Variants in CD84 observed in about 807,000 individuals in gnomAD.
The protein encoded by CD84 is SLAM family member 5.
In CD84, 22 loss-of-function variants were observed where a neutral mutation model predicts 33.8. The ratio of observed to expected loss-of-function variants is 0.65; its 90% confidence interval spans 0.46 to 0.93. The LOEUF (loss-of-function observed/expected upper bound fraction) is 0.93, where lower values mean the gene tolerates loss of function less well. CD84 is among the 40% of genes least tolerant of loss of function. The pLI, the probability that CD84 is intolerant of heterozygous loss-of-function variation, is 0.00. For missense variants in CD84, 400 were observed against 397.6 expected, an observed-to-expected ratio of 1.01 and a Z score of -0.05; for synonymous variants, 154 against 145.2, an observed-to-expected ratio of 1.06 and a Z score of -0.44.
chr1:160,548,017 C>T lies in CD84; in HGVS notation c.*239G>A, dbSNP rs1271155599. 5.5e-6 allele frequency: 3 copies of T among 547,120 alleles called. No homozygotes were observed. The highest frequency in any genetic ancestry group is 9.9e-6 in the Non-Finnish European group (3 of 303,498). The allele number at this position is 547,120 out of a possible 1,614,324, so 33.9% of individuals were successfully genotyped here. The stretch of plus-strand genomic sequence containing the variant: ...TGGGAAGAAGTTTGGGAAAACTATA[C>T]TAGGTAACCTGCTTTGTCATTCATT... On this transcript the variant is annotated 3_prime_UTR_variant, in exon 7 of 7. Coordinates refer to ENST00000368054, the MANE Select transcript of CD84 (RefSeq NM_003874.4).
In CD84 at chr1:160,549,942, T is replaced by A. The variant is rs2102125391; in HGVS notation, c.896A>T (p.Tyr299Phe). The A allele has an allele frequency of 6.2e-7, 1 of 1,613,192 alleles. No homozygotes were observed. The highest frequency in any genetic ancestry group is 8.5e-7 in the Non-Finnish European group (1 of 1,179,220). Residue 299 changes from tyrosine to phenylalanine, a missense_variant, in exon 6 of 7, where the codon TAT (tyrosine) becomes TTT (phenylalanine). Tyr to Phe is a conservative substitution (Grantham distance 22, BLOSUM62 3). Transcript: ENST00000368054. ...PSKEEPVNTV[Y>F]SEVQFADKMG... ...CTTATCAGCAAACTGCACTTCGGAATAAACTGTGTTCACTGGCTCTTCCTT... is the reference window on the plus strand; with the variant it reads ...CTTATCAGCAAACTGCACTTCGGAAAAAACTGTGTTCACTGGCTCTTCCTT...
intron 1 of CD84, among the ~76,000 whole-genome samples, chr1:160,577,964 G>T (rs1210392318): frequency 6.6e-6 from 1 of 152,090 alleles, no homozygotes; most frequent in Admixed American, 6.6e-5. Flanking sequence ...ATCTTAGCAG[G>T]TATTAACCTT....
chr1:160,568,307 T>C (rs547276842), intron 1 of CD84, among the ~76,000 whole-genome samples: 66 of 152,210 alleles, frequency 4.3e-4, no homozygotes, highest in South Asian at 1.7e-3. Context: ...TAGCAAGTCA[T>C]TCAGGAAGTG....
chr1:160,548,283 C>T lies in CD84; in HGVS notation c.960G>A (p.Gly320=). 6.2e-7 allele frequency: 1 copy of T among 1,614,168 alleles called. No individual in the cohort carries two copies. The highest frequency in any genetic ancestry group is 8.5e-7 in the Non-Finnish European group (1 of 1,180,024). The change falls in exon 7 of 7, where the codon GGG becomes GGA. Residue 320 remains glycine, a synonymous_variant. Coordinates refer to ENST00000368054, the MANE Select transcript of CD84 (RefSeq NM_003874.4). The part of the protein sequence containing the change: ...KASTQDSKPP[G]TSSYEIVI ...AGATCACAATTTCATAGCTTGAAGT[C>T]CCAGGAGGTTTACTGTCCTGTGTGC...
chr1:160,570,599 A>T (rs1045449107), intron 1 of CD84, among the ~76,000 whole-genome samples: 1 of 152,198 alleles, frequency 6.6e-6, no homozygotes, highest in African/African-American at 2.4e-5. Context: ...GGTGGCTCAC[A>T]TCTGTAATCC....
At chr1:160,567,345 C>T (rs1242068570) in intron 1 of CD84, among the ~76,000 whole-genome samples, 1 of 152,140 alleles carries the variant, frequency 6.6e-6, no homozygotes, top group Non-Finnish European at 1.5e-5. Context: ...TGAAAGAGCC[C>T]CAGGAACAGC....
intron 4 of CD84, among the ~76,000 whole-genome samples, chr1:160,552,508 C>T (rs1280598580): frequency 1.3e-5 from 2 of 152,118 alleles, no homozygotes; most frequent in Non-Finnish European, 2.9e-5. Flanking sequence ...ATACAGCACA[C>T]CTTATTACTG....
chr1:160,559,961 T>C (rs532541962), intron 2 of CD84, among the ~76,000 whole-genome samples: 1 of 152,266 alleles, frequency 6.6e-6, no homozygotes, highest in African/African-American at 2.4e-5. Context: ...TAAATATATA[T>C]GCACACAATA....
Position 160,545,522 on chromosome 1 carries a change from T to A in CD84, c.*2734A>T, listed in dbSNP as rs962276849. ...TTTCACCTCCTTACAACTGGTTAGG[T>A]GCTTCAGCTGACCTCTTAGTTGGTC... On this transcript the variant is annotated 3_prime_UTR_variant, in exon 7 of 7. Coordinates refer to ENST00000368054, the MANE Select transcript of CD84 (RefSeq NM_003874.4). 11 of 152,228 alleles carry A rather than the reference T, an allele frequency of 7.2e-5. No homozygotes were observed. Among genetic ancestry groups the A allele is most frequent in the Non-Finnish European group, 1.3e-4 (9 of 68,072 alleles). The allele number at this position is 152,228 out of a possible 1,614,324, so 9.4% of individuals were successfully genotyped here.
At chr1:160,562,255 C>T (rs985463348) in intron 2 of CD84, among the ~76,000 whole-genome samples, 3 of 151,990 alleles carry the variant, frequency 2.0e-5, no homozygotes, top group Non-Finnish European at 4.4e-5. Flanking sequence ...TGAAAAAGAG[C>T]CTGAATAGCC....
chr1:160,548,341 G>A lies in CD84; in HGVS notation c.922-20C>T. On this transcript the variant is annotated intron_variant, in intron 6 of 6. Coordinates refer to ENST00000368054, the MANE Select transcript of CD84 (RefSeq NM_003874.4). ...CCCCATCTGTGCAGGAGAGAAGCGT[G>A]AGAAAATGTTAACTGAGAGGTGCTG... The A allele has an allele frequency of 6.2e-7, 1 of 1,614,010 alleles. No homozygotes were observed. The highest frequency in any genetic ancestry group is 1.1e-5 in the South Asian group (1 of 91,070).
At position 160,573,537 on chromosome 1, in the gene CD84, C is replaced by A. The variant is rs570476215; in HGVS notation, c.46+5855G>T. ...GCACTTTGCCTTAGAGCTTTTGCAC[C>A]TGTTGTTCTCCTCTTTTCCTACCAC... is the stretch of plus-strand genomic sequence containing the variant. On this transcript the variant is annotated intron_variant, in intron 1 of 6. Coordinates refer to ENST00000368054, the MANE Select transcript of CD84 (RefSeq NM_003874.4). Among the ~76,000 whole-genome samples the A allele has an allele frequency of 2.6e-5, 4 of 152,270 alleles. No individual in the cohort carries two copies. In the East Asian group the frequency reaches 7.7e-4, roughly 29 times the overall value.
intron 5 of CD84, chr1:160,550,492 G>T: frequency 2.7e-6 from 1 of 365,858 alleles, no homozygotes; most frequent in South Asian, 1.1e-4. Context: ...TCTGAGGAAA[G>T]CAAGCCGCTG....
chr1:160,569,065 T>C (rs558343543), intron 1 of CD84, among the ~76,000 whole-genome samples: 36 of 152,396 alleles, frequency 2.4e-4, no homozygotes, highest in African/African-American at 8.4e-4. Context: ...GATACTGATA[T>C]ATTAACATTC....
At position 160,548,162 on chromosome 1, in the gene CD84, A is replaced by T. The variant is rs760556967; in HGVS notation, c.*94T>A. ...GAGATGTGGCAGTTTGCAATCTCCC[A>T]GTAAGAGTTGGGCAGAGAAGATCTG... On this transcript the variant is annotated 3_prime_UTR_variant, in exon 7 of 7. Transcript: ENST00000368054. 3.8e-6 allele frequency: 5 copies of T among 1,323,734 alleles called. No homozygotes were observed. In the Admixed American group the frequency reaches 8.8e-5, roughly 23 times the overall value. 82.0% of individuals were successfully genotyped at this position (1,323,734 alleles called of 1,614,324 possible).
At chr1:160,549,186 T>C (rs1438296464) in intron 6 of CD84, among the ~76,000 whole-genome samples, 1 of 152,200 alleles carries the variant, frequency 6.6e-6, no homozygotes, top group Non-Finnish European at 1.5e-5. Flanking sequence ...GTCGAGCTCA[T>C]AGATGTCCTC....
chr1:160,561,152 C>T (rs1352690921), intron 2 of CD84, among the ~76,000 whole-genome samples: 1 of 152,160 alleles, frequency 6.6e-6, no homozygotes, highest in African/African-American at 2.4e-5. Context: ...AGGAACTCTT[C>T]CTTAACTCAT....
intron 1 of CD84, among the ~76,000 whole-genome samples, chr1:160,577,754 T>A (rs1160011463): frequency 1.3e-5 from 2 of 152,216 alleles, no homozygotes; most frequent in African/African-American, 4.8e-5. Context: ...GCAAGTGTTG[T>A]ACATGCATTA....
chr1:160,547,171 A>G lies in CD84; in HGVS notation c.*1085T>C. On this transcript the variant is annotated 3_prime_UTR_variant, in exon 7 of 7. Coordinates refer to ENST00000368054, the MANE Select transcript of CD84 (RefSeq NM_003874.4). ...GTGGCGGCACTCTGCCTCAGCTTAA[A>G]CTCTAGTTCTCTGAGTCTTTGGAAC... 1 of 398,312 alleles carries G rather than the reference A, an allele frequency of 2.5e-6. No individual in the cohort carries two copies. Among genetic ancestry groups the G allele is most frequent in the Middle Eastern group, 6.3e-4 (1 of 1,584 alleles). The allele number at this position is 398,312 out of a possible 1,614,324, so 24.7% of individuals were successfully genotyped here.
Sources: gnomAD v4.1 joint callset for allele counts (sites outside exome capture counted in the v4.1 genomes callset) on GRCh38, gnomAD v4.1.1 for gene constraint, MANE v1.5 for transcripts, NCBI Gene and HGNC (gene_info 2026-07-23, HGNC 2026-07-21) for gene names.